The following ZNF66 variants were observed in gnomAD, a reference collection of about 807,000 sequenced individuals.
ZNF66 encodes the protein zinc finger protein 66, also known as putative zinc finger protein 66.
In ZNF66, 32 loss-of-function variants were observed where a neutral mutation model predicts 35.2. That is an observed-to-expected ratio of 0.91 (90% CI 0.69 to 1.22). The LOEUF (loss-of-function observed/expected upper bound fraction) is 1.22, where lower values mean the gene tolerates loss of function less well. Among genes scored for constraint, ZNF66 ranks in the 50% most tolerant of loss-of-function variants. The pLI, the probability that ZNF66 is intolerant of heterozygous loss-of-function variation, is 0.00. For synonymous variants in ZNF66, 231 were observed against 181.3 expected (o/e 1.27, Z -2.20); for missense variants, 666 against 543.1 (o/e 1.23, Z -2.25).
chr19:20,776,474 CGA>C, intron 1 of ZNF66, 24 bp downstream of exon 1: 1 of 1,539,430 alleles, frequency 6.5e-7, no homozygotes, highest in Non-Finnish European at 9.0e-7. Context: ...TCCAGCATCC[CGA>C]GAGAGGTGAA....
At chr19:20,780,941 G>T (rs1015249373) in intron 1 of ZNF66, among the ~76,000 whole-genome samples, 1 of 152,038 alleles carries the variant, frequency 6.6e-6, no homozygotes, top group Admixed American at 6.6e-5. Flanking sequence ...CTCCTCCCAG[G>T]ACTAGGCACC....
In ZNF66 at chr19:20,806,808, G is replaced by A. The variant is rs1971518681; in HGVS notation, c.1208G>A (p.Gly403Asp). 1 of 1,307,812 alleles carries A rather than the reference G, an allele frequency of 7.6e-7. No individual in the cohort carries two copies. Among genetic ancestry groups the A allele is most frequent in the Non-Finnish European group, 1.1e-6 (1 of 904,194 alleles). The allele number at this position is 1,307,812 out of a possible 1,614,324, so 81.0% of individuals were successfully genotyped here. Reference sequence around the variant, plus strand: ...AAACCTTACAAATGTGAAGAATGTGGCAAAGTGTTTAAGCACTCCTCTCCC... The same window carrying A: ...AAACCTTACAAATGTGAAGAATGTGACAAAGTGTTTAAGCACTCCTCTCCC... ...GKKPYKCEEC[G>D]KVFKHSSPLS... The change falls in exon 4 of 4, where the codon GGC becomes GAC. Residue 403 changes from glycine to aspartate, a missense_variant. Physicochemically the swap from Gly to Asp is moderately conservative, Grantham distance 94 (BLOSUM62 -1). Coordinates refer to ENST00000344519, the MANE Select transcript of ZNF66 (RefSeq NM_001355197.2).
intron 1 of ZNF66, among the ~76,000 whole-genome samples, chr19:20,789,988 G>A (rs1971321071): frequency 6.6e-6 from 1 of 152,144 alleles, no homozygotes; most frequent in South Asian, 2.1e-4. Context: ...AAGTGTAAGG[G>A]ATCCTGTGCT....
intron 3 of ZNF66, among the ~76,000 whole-genome samples, chr19:20,797,718 C>T (rs1328522314): frequency 6.6e-6 from 1 of 151,888 alleles, no homozygotes; most frequent in Non-Finnish European, 1.5e-5. Context: ...CGTGTGCCAC[C>T]ATGCCTGGCT....
chr19:20,797,351 C>T (rs530596434), intron 3 of ZNF66, among the ~76,000 whole-genome samples: 8 of 138,598 alleles, frequency 5.8e-5, no homozygotes, highest in Middle Eastern at 3.6e-3. Context: ...GGACTACAGG[C>T]GCCCGCCACC....
intron 3 of ZNF66, among the ~76,000 whole-genome samples, chr19:20,802,667 T>C (rs1359573438): frequency 1.3e-5 from 2 of 152,198 alleles, no homozygotes; most frequent in African/African-American, 4.8e-5. Context: ...CTGATGTTGT[T>C]GAGGAGTGTT....
At chr19:20,788,365 C>T (rs1452810788) in intron 1 of ZNF66, among the ~76,000 whole-genome samples, 2 of 152,132 alleles carry the variant, frequency 1.3e-5, no homozygotes, top group Non-Finnish European at 2.9e-5. Context: ...TATATTGTGA[C>T]TTCTGATGTC....
chr19:20,800,822 T>C (rs1351031028), intron 3 of ZNF66, among the ~76,000 whole-genome samples: 1 of 152,210 alleles, frequency 6.6e-6, no homozygotes, highest in African/African-American at 2.4e-5. Context: ...CAAGTATTGC[T>C]CTATATGCAA....
chr19:20,791,277 G>A (rs575710629), intron 1 of ZNF66, among the ~76,000 whole-genome samples: 3 of 152,074 alleles, frequency 2.0e-5, no homozygotes, highest in African/African-American at 4.8e-5. Flanking sequence ...CTGAAGTCAG[G>A]AATTCGAGAC....
intron 1 of ZNF66, among the ~76,000 whole-genome samples, chr19:20,782,776 TCAGAGG>T (rs1486577580): frequency 6.6e-6 from 1 of 152,162 alleles, no homozygotes. Context: ...TAGACCTTTG[TCAGAGG>T]CAAAGTTTGC....
chr19:20,805,120 TGTGTGTGA>T (rs1971487760), intron 3 of ZNF66, among the ~76,000 whole-genome samples: 1 of 144,850 alleles, frequency 6.9e-6, no homozygotes, highest in Non-Finnish European at 1.5e-5. Context: ...TGTGTGTGTG[TGTGTGTGA>T]GAGAGAGAGA....
chr19:20,794,389 G>C (rs187148698), intron 3 of ZNF66: 1 of 151,088 alleles, frequency 6.6e-6, no homozygotes, highest in Admixed American at 6.6e-5. Context: ...ACGATATTCT[G>C]TTTTCTTCTT....
intron 3 of ZNF66, among the ~76,000 whole-genome samples, chr19:20,801,981 TGACA>T (rs1232618598): frequency 4.1e-5 from 6 of 146,608 alleles, no homozygotes; most frequent in Non-Finnish European, 7.6e-5. Flanking sequence ...AATGATGTGG[TGACA>T]GAAATTTGCA....
intron 1 of ZNF66, among the ~76,000 whole-genome samples, chr19:20,785,756 TG>T (rs879637329): frequency 0.081 from 12,216 of 151,442 alleles, 572 homozygotes; most frequent in Middle Eastern, 0.11. Context: ...TTTCTGTTTT[TG>T]TTTGTTTGTT....
rs1451568428 is a variant in ZNF66, at chr19:20,808,295, C to G, written c.*973C>G. Among the ~76,000 whole-genome samples the G allele has an allele frequency of 6.6e-6, 1 of 152,220 alleles. No individual in the cohort carries two copies. Among genetic ancestry groups the G allele is most frequent in the Admixed American group, 6.5e-5 (1 of 15,288 alleles). ...TGGGGTCAGGGCACAGACAAAAAGA[C>G]AGCAGTAACCTCTGCAGACTTAAAC... On this transcript the variant is annotated 3_prime_UTR_variant, in exon 4 of 4. Transcript: ENST00000344519.
intron 1 of ZNF66, among the ~76,000 whole-genome samples, chr19:20,776,871 T>C (rs541375182): frequency 6.6e-6 from 1 of 152,032 alleles, no homozygotes; most frequent in Non-Finnish European, 1.5e-5. Context: ...TCCCCGCACG[T>C]TGGGAGGCCG....
At chr19:20,785,524 G>A (rs1371720693) in intron 1 of ZNF66, among the ~76,000 whole-genome samples, 1 of 152,144 alleles carries the variant, frequency 6.6e-6, no homozygotes, top group Non-Finnish European at 1.5e-5. Flanking sequence ...GTGATTTTAG[G>A]ATGAACTATG....
rs188947743 is a variant in ZNF66 at position 20,777,635 on chromosome 19, T to C, written c.3+1185T>C. On this transcript the variant is annotated intron_variant, in intron 1 of 3. Transcript: ENST00000344519. ...TTCCTCAATTAATTATTATTATTAT[T>C]ATTATTTTTTGAGACGGAGTCTTGC... 5.0e-3 allele frequency among the ~76,000 whole-genome samples: 754 copies of C among 151,712 alleles called. 9 individuals are homozygous for C. Among genetic ancestry groups the C allele is most frequent in the Non-Finnish European group, 8.6e-3 (586 of 67,916 alleles).
chr19:20,800,872 T>C (rs1396801216), intron 3 of ZNF66, among the ~76,000 whole-genome samples: 1 of 152,192 alleles, frequency 6.6e-6, no homozygotes, highest in Non-Finnish European at 1.5e-5. Context: ...CAGTTTTCTC[T>C]TTCTTAGTTT....
Sources: allele counts gnomAD v4.1 joint callset (sites outside exome capture counted in the v4.1 genomes callset), GRCh38; gene constraint gnomAD v4.1.1; transcripts MANE v1.5; gene names NCBI Gene and HGNC (gene_info 2026-07-23, HGNC 2026-07-21).